The following PTPN21 variants were observed in gnomAD, a reference collection of about 807,000 sequenced individuals.
PTPN21 encodes protein tyrosine phosphatase non-receptor type 21, also known as tyrosine-protein phosphatase non-receptor type 21.
PTPN21 carries 77 observed loss-of-function variants against 131.8 expected under a neutral mutation model. The ratio of observed to expected loss-of-function variants is 0.58; its 90% CI spans 0.49 to 0.71. The LOEUF (loss-of-function observed/expected upper bound fraction) is 0.71, where lower values mean the gene tolerates loss of function less well. PTPN21 is among the 30% of genes least tolerant of loss of function. The probability of loss-of-function intolerance (pLI) is 0.00; values close to 1 mark genes in which losing one functional copy is unlikely to be tolerated. For missense variants in PTPN21, 1,552 were observed against 1,527.1 expected (o/e 1.02, Z -0.27); for synonymous variants, 715 against 621.3 (o/e 1.15, Z -2.24).
chr14:88,547,578 A>G, intron 2 of PTPN21: 1 of 441,408 alleles, frequency 2.3e-6, no homozygotes, highest in South Asian at 1.6e-5. Context: ...ACTTGAGCCT[A>G]GGTGTTTGAG....
rs1387649415 is a variant in PTPN21 at position 88,466,302 on chromosome 14, C to T, written c.*1835G>A. On this transcript the variant is annotated 3_prime_UTR_variant, in exon 19 of 19. Coordinates refer to ENST00000556564, the MANE Select transcript of PTPN21 (RefSeq NM_007039.4). ...AAAATGTAAAATTTTAATTTTGTTC[C>T]TACATGAGAAGTGTGCGTACTTTCA... 1 of 151,686 alleles carries T rather than the reference C, an allele frequency of 6.6e-6. No homozygotes were observed. The highest frequency in any genetic ancestry group is 1.5e-5 in the Non-Finnish European group (1 of 67,896). 9.4% of individuals were successfully genotyped at this position (151,686 alleles called of 1,614,324 possible).
At chr14:88,539,083 T>C (rs1017351186) in intron 2 of PTPN21, among the ~76,000 whole-genome samples, 2 of 151,960 alleles carry the variant, frequency 1.3e-5, no homozygotes, top group Non-Finnish European at 2.9e-5. Context: ...CTTTTCCTTT[T>C]CTTTCCTTTT....
chr14:88,491,290 T>G (rs2077820196), intron 10 of PTPN21, among the ~76,000 whole-genome samples: 1 of 152,182 alleles, frequency 6.6e-6, no homozygotes, highest in Non-Finnish European at 1.5e-5. Flanking sequence ...ATGAGTCACA[T>G]AAGGCCATCC....
At chr14:88,468,787 A>G in intron 18 of PTPN21, 129 bp downstream of exon 18, 1 of 1,121,452 alleles carries the variant, frequency 8.9e-7, no homozygotes, top group South Asian at 1.4e-5. Flanking sequence ...TGCAGGGAAC[A>G]TTAGTAACAT....
rs373085199 is a variant in PTPN21 at position 88,479,102 on chromosome 14, C to T, written c.2329G>A (p.Val777Ile). 84 of 1,574,810 alleles carry T rather than the reference C, an allele frequency of 5.3e-5. No homozygotes were observed. Among genetic ancestry groups the T allele is most frequent in the Non-Finnish European group, 7.2e-5 (84 of 1,162,140 alleles). Reference sequence around the variant, plus strand: ...CGCTGGGCCTCTGCGGTCGTGCGGACGGGGCTGCTGTCCATCATCCTCTTC... The same window carrying T: ...CGCTGGGCCTCTGCGGTCGTGCGGATGGGGCTGCTGTCCATCATCCTCTTC... The part of the protein sequence containing the change: ...AEKRMMDSSP[V>I]RTTAEAQRPW... The change falls in exon 13 of 19, where the codon GTC (valine) becomes ATC (isoleucine). Residue 777 changes from valine to isoleucine, a missense_variant. Around this residue, in one of 4 missense-constraint regions of PTPN21, gnomAD observed 1,016 missense variants for 883.5 expected, o/e 1.15. Transcript: ENST00000556564.
At chr14:88,515,666 G>A (rs1233916003) in intron 3 of PTPN21, among the ~76,000 whole-genome samples, 1 of 152,058 alleles carries the variant, frequency 6.6e-6, no homozygotes, top group East Asian at 1.9e-4. Context: ...TACCTTTCCT[G>A]TTCAAGTTCC....
At chr14:88,491,191 A>G (rs2077818429) in intron 10 of PTPN21, among the ~76,000 whole-genome samples, 1 of 152,206 alleles carries the variant, frequency 6.6e-6, no homozygotes, top group South Asian at 2.1e-4. Context: ...TCTGTTATCT[A>G]ATGCACTTTG....
chr14:88,497,805 A>C (rs1391283780), intron 8 of PTPN21, among the ~76,000 whole-genome samples: 2 of 151,694 alleles, frequency 1.3e-5, no homozygotes, highest in South Asian at 2.1e-4. Context: ...AAACAAATAA[A>C]AAACAAAAAC....
intron 2 of PTPN21, among the ~76,000 whole-genome samples, chr14:88,535,961 G>A (rs938590749): frequency 6.6e-6 from 1 of 152,118 alleles, no homozygotes; most frequent in East Asian, 1.9e-4. Flanking sequence ...AGTTATTGGC[G>A]TTCAGTTCAT....
At chr14:88,483,986 A>G (rs2077692595) in intron 12 of PTPN21, among the ~76,000 whole-genome samples, 1 of 152,060 alleles carries the variant, frequency 6.6e-6, no homozygotes, top group Non-Finnish European at 1.5e-5. Context: ...AAAGGGGTTC[A>G]GGGGAGAAAG....
chr14:88,520,194 T>C (rs1480997886), intron 2 of PTPN21, among the ~76,000 whole-genome samples: 2 of 152,146 alleles, frequency 1.3e-5, no homozygotes, highest in Non-Finnish European at 2.9e-5. Context: ...AGTGGGAAGA[T>C]TTCTTGAGCC....
chr14:88,528,314 AT>A (rs1192486519), intron 2 of PTPN21, among the ~76,000 whole-genome samples: 2 of 152,114 alleles, frequency 1.3e-5, no homozygotes, highest in Non-Finnish European at 2.9e-5. Flanking sequence ...TCTGTTATCT[AT>A]GATTTCTTTC....
chr14:88,509,810 C>A (rs1379603384), intron 3 of PTPN21, among the ~76,000 whole-genome samples: 1 of 152,146 alleles, frequency 6.6e-6, no homozygotes, highest in African/African-American at 2.4e-5. Flanking sequence ...CCAAGGCGGG[C>A]GGATCACTTG....
chr14:88,525,713 G>C (rs2078464700), intron 2 of PTPN21, among the ~76,000 whole-genome samples: 1 of 152,098 alleles, frequency 6.6e-6, no homozygotes, highest in African/African-American at 2.4e-5. Flanking sequence ...ATACCCAAAA[G>C]AACTGAAAAA....
intron 3 of PTPN21, chr14:88,515,072 G>C (rs915441769): frequency 2.0e-5 from 3 of 152,162 alleles, no homozygotes; most frequent in Non-Finnish European, 2.9e-5. Context: ...TAGTGCATGG[G>C]AAGGATGCGC....
At chr14:88,551,384 G>C (rs954886792) in intron 1 of PTPN21, 1 of 152,232 alleles carries the variant, frequency 6.6e-6, no homozygotes, top group Non-Finnish European at 1.5e-5. Context: ...TGAGCGGCCG[G>C]AGGCAACAAA....
intron 2 of PTPN21, among the ~76,000 whole-genome samples, chr14:88,539,603 T>G (rs1221719979): frequency 1.3e-5 from 2 of 152,168 alleles, no homozygotes; most frequent in South Asian, 2.1e-4. Context: ...CTTGGATTGC[T>G]TTTCTTTTAG....
chr14:88,480,757 T>C (rs934451983), intron 12 of PTPN21, among the ~76,000 whole-genome samples: 3 of 152,132 alleles, frequency 2.0e-5, no homozygotes, highest in Non-Finnish European at 2.9e-5. Flanking sequence ...GCACCAACTG[T>C]CTGTAAGCAT....
chr14:88,531,271 G>C (rs1782797745), intron 2 of PTPN21, among the ~76,000 whole-genome samples: 2 of 152,024 alleles, frequency 1.3e-5, no homozygotes, highest in Admixed American at 1.3e-4. Context: ...AAAACCTCTG[G>C]GATATGGCTG....
Sources: allele counts gnomAD v4.1 joint callset (sites outside exome capture counted in the v4.1 genomes callset), GRCh38; gene constraint gnomAD v4.1.1; regional missense constraint gnomAD v4.1.1; transcripts MANE v1.5; gene names NCBI Gene and HGNC (gene_info 2026-07-23, HGNC 2026-07-21).